Variants in SNX10 observed in about 807,000 individuals in gnomAD.
SNX10 encodes the protein sorting nexin-10.
Under a neutral mutation model 28.5 loss-of-function variants are expected in SNX10, and 25 were observed. The observed-to-expected ratio is 0.88, with a 90% CI of 0.64 to 1.22. The LOEUF (loss-of-function observed/expected upper bound fraction) is 1.22, where lower values mean the gene tolerates loss of function less well. Among genes scored for constraint, SNX10 ranks in the 50% most tolerant of loss-of-function variants. SNX10 has a pLI of 0.00. For synonymous variants in SNX10, 62 were observed against 81.4 expected, an observed-to-expected ratio of 0.76 and a Z score of 1.28; for missense variants, 223 against 242.6, an observed-to-expected ratio of 0.92 and a Z score of 0.54.
At chr7:26,301,658 A>T (rs968301761) in intron 1 of SNX10, among the ~76,000 whole-genome samples, 2 of 152,176 alleles carry the variant, frequency 1.3e-5, no homozygotes, top group African/African-American at 4.8e-5. Context: ...TCTATTTAGT[A>T]CTCAACCATG....
intron 5 of SNX10, among the ~76,000 whole-genome samples, chr7:26,369,252 A>G (rs1380989514): frequency 6.6e-6 from 1 of 152,176 alleles, no homozygotes; most frequent in Non-Finnish European, 1.5e-5. Context: ...TCTTTATATT[A>G]GGTTTGAAAT....
At chr7:26,308,522 A>G (rs1786683200) in intron 1 of SNX10, among the ~76,000 whole-genome samples, 1 of 152,126 alleles carries the variant, frequency 6.6e-6, no homozygotes, top group African/African-American at 2.4e-5. Context: ...AAGGCCCAAG[A>G]GGACAGGGTT....
chr7:26,295,131 T>A (rs563676628), intron 1 of SNX10, among the ~76,000 whole-genome samples: 19 of 152,358 alleles, frequency 1.2e-4, no homozygotes, highest in Admixed American at 5.9e-4. Flanking sequence ...TTTAAAATCT[T>A]GTGCTAGGCC....
chr7:26,328,147 C>T (rs1002672081), intron 1 of SNX10, among the ~76,000 whole-genome samples: 5 of 152,088 alleles, frequency 3.3e-5, no homozygotes, highest in Non-Finnish European at 5.9e-5. Context: ...GATGAGAGCT[C>T]GAACTAGGCC....
intron 1 of SNX10, among the ~76,000 whole-genome samples, chr7:26,294,593 T>A (rs952136913): frequency 6.6e-6 from 1 of 152,220 alleles, no homozygotes; most frequent in African/African-American, 2.4e-5. Flanking sequence ...CAGATTCTGT[T>A]ACTGTCTTCA....
intron 1 of SNX10, among the ~76,000 whole-genome samples, chr7:26,310,394 C>T (rs1786780493): frequency 6.6e-6 from 1 of 152,148 alleles, no homozygotes; most frequent in Non-Finnish European, 1.5e-5. Flanking sequence ...TCCCTGCCCT[C>T]AAGGGACTTT....
chr7:26,307,256 T>C (rs576409426), intron 1 of SNX10, among the ~76,000 whole-genome samples: 10 of 152,220 alleles, frequency 6.6e-5, no homozygotes, highest in Non-Finnish European at 1.3e-4. Context: ...GCCTAAAGAC[T>C]GTCTCTCCCG....
At chr7:26,359,340 C>T (rs1369704216) in intron 2 of SNX10, among the ~76,000 whole-genome samples, 1 of 152,064 alleles carries the variant, frequency 6.6e-6, no homozygotes, top group Non-Finnish European at 1.5e-5. Flanking sequence ...TGAAGAGTCT[C>T]ATTTAATTAT....
At chr7:26,341,313 A>G (rs188602810) in intron 1 of SNX10, among the ~76,000 whole-genome samples, 3 of 152,244 alleles carry the variant, frequency 2.0e-5, no homozygotes, top group Non-Finnish European at 1.5e-5. Context: ...GAAATAAAAT[A>G]AAAATAATAA....
chr7:26,365,091 ACAATCGC>A lies in SNX10; in HGVS notation c.260_266del (p.Asn87SerfsTer37), dbSNP rs1481524192. 6.2e-7 allele frequency: 1 copy of A among 1,613,360 alleles called. No individual in the cohort carries two copies. The highest frequency in any genetic ancestry group is 8.5e-7 in the Non-Finnish European group (1 of 1,179,418). ...TCTAAAAACCTGTTTTTCAACATGA[ACAATCGC>A]CAGCACGTGGATCAGCGTCGCCAGG... On this transcript the variant is annotated frameshift_variant, in exon 5 of 7. Coordinates refer to ENST00000338523, the MANE Select transcript of SNX10 (RefSeq NM_013322.3). LOFTEE classifies it high-confidence loss of function.
At chr7:26,301,483 C>T (rs1359587693) in intron 1 of SNX10, among the ~76,000 whole-genome samples, 1 of 151,884 alleles carries the variant, frequency 6.6e-6, no homozygotes, top group Non-Finnish European at 1.5e-5. Flanking sequence ...GATGAGAGAA[C>T]AAAAAAGAGG....
intron 1 of SNX10, among the ~76,000 whole-genome samples, chr7:26,340,145 A>C (rs117497209): frequency 5.1e-4 from 78 of 152,286 alleles, no homozygotes; most frequent in Non-Finnish European, 9.6e-4. Context: ...GAGATCTCCC[A>C]TAGGCATATA....
chr7:26,361,039 T>A lies in SNX10; in HGVS notation c.89T>A (p.Ile30Asn). Residue 30 changes from isoleucine (I) to asparagine (N), a missense_variant, in exon 3 of 7, where the codon ATT (isoleucine) becomes AAT (asparagine). Ile to Asn is a moderately radical substitution (Grantham distance 149). Transcript: ENST00000338523. ...IQKEDFWHSY[I>N]DYEICIHTNS... ...AAGGAGGACTTCTGGCATTCTTACATTGACTATGAGATATGTATTCATGTA... is the reference window on the plus strand; with the variant it reads ...AAGGAGGACTTCTGGCATTCTTACAATGACTATGAGATATGTATTCATGTA... 1 of 1,607,954 alleles carries A rather than the reference T, an allele frequency of 6.2e-7. No homozygotes were observed. Among genetic ancestry groups the A allele is most frequent in the Non-Finnish European group, 8.5e-7 (1 of 1,175,022 alleles).
At chr7:26,358,805 G>GGTTTTTT (rs1554360945) in intron 2 of SNX10, among the ~76,000 whole-genome samples, 14 of 100,104 alleles carry the variant, frequency 1.4e-4, no homozygotes, top group Non-Finnish European at 2.0e-4. Context: ...GTTATCTTGT[G>GGTTTTTT]TTTTTTTTTT....
At chr7:26,370,395 A>T (rs1296026623) in intron 5 of SNX10, 1 of 152,246 alleles carries the variant, frequency 6.6e-6, no homozygotes, top group Admixed American at 6.5e-5. Context: ...GGGAGGACCC[A>T]GGGCGGAGGA....
chr7:26,344,155 A>G (rs1371263267), intron 1 of SNX10, among the ~76,000 whole-genome samples: 1 of 116,436 alleles, frequency 8.6e-6, no homozygotes, highest in East Asian at 2.4e-4. Context: ...GGCAGCCACC[A>G]TTCTACTTTC....
intron 1 of SNX10, among the ~76,000 whole-genome samples, chr7:26,310,100 A>G (rs1786762878): frequency 6.6e-6 from 1 of 152,124 alleles, no homozygotes; most frequent in African/African-American, 2.4e-5. Flanking sequence ...AGGCCACTTC[A>G]CTCTGCGTTG....
At chr7:26,326,877 T>C (rs1787522150) in intron 1 of SNX10, among the ~76,000 whole-genome samples, 4 of 151,794 alleles carry the variant, frequency 2.6e-5, no homozygotes, top group Admixed American at 6.6e-5. Context: ...AACTGACCAT[T>C]TTTGTGAGGA....
intron 1 of SNX10, among the ~76,000 whole-genome samples, chr7:26,345,490 G>A (rs1788347104): frequency 6.6e-6 from 1 of 152,256 alleles, no homozygotes; most frequent in South Asian, 2.1e-4. Flanking sequence ...GGTGCAGCTC[G>A]CTTGCCCCTT....
Sources: allele counts gnomAD v4.1 joint callset (sites outside exome capture counted in the v4.1 genomes callset), GRCh38; gene constraint gnomAD v4.1.1; transcripts MANE v1.5; gene names NCBI Gene and HGNC (gene_info 2026-07-23, HGNC 2026-07-21).